The following TLE3 variants were observed in gnomAD, a reference collection of about 807,000 sequenced individuals.
The protein encoded by TLE3 is transducin-like enhancer protein 3.
In TLE3, 14 loss-of-function variants were observed where a neutral mutation model predicts 93.0. That is an observed-to-expected ratio of 0.15 (90% CI 0.10 to 0.24). TLE3 has a LOEUF of 0.24. TLE3 is among the 10% of genes least tolerant of loss of function. TLE3 has a pLI of 1.00. For missense variants in TLE3, 693 were observed against 1,046.6 expected, an observed-to-expected ratio of 0.66 and a Z score of 4.66; for synonymous variants, 451 against 425.0, an observed-to-expected ratio of 1.06 and a Z score of -0.75.
At chr15:70,059,025 A>G (rs2056288551) in intron 10 of TLE3, among the ~76,000 whole-genome samples, 1 of 152,190 alleles carries the variant, frequency 6.6e-6, no homozygotes, top group South Asian at 2.1e-4. Context: ...TCCCAATGTC[A>G]AACACAAGTT....
intron 4 of TLE3, among the ~76,000 whole-genome samples, chr15:70,091,297 TG>T (rs1174460742): frequency 1.3e-5 from 2 of 152,202 alleles, no homozygotes; most frequent in African/African-American, 4.8e-5. Flanking sequence ...TCACCAACAG[TG>T]GGTGAAAAGG....
intron 4 of TLE3, among the ~76,000 whole-genome samples, chr15:70,086,075 T>A (rs1349422469): frequency 1.3e-5 from 2 of 152,134 alleles, no homozygotes; most frequent in African/African-American, 4.8e-5. Context: ...CCTTCCTCTA[T>A]CCCACCCGAC....
At chr15:70,080,526 G>A (rs2057719492) in intron 4 of TLE3, among the ~76,000 whole-genome samples, 1 of 152,158 alleles carries the variant, frequency 6.6e-6, no homozygotes, top group Non-Finnish European at 1.5e-5. Flanking sequence ...CTGGGCGCTG[G>A]GAGTAACATC....
intron 4 of TLE3, among the ~76,000 whole-genome samples, chr15:70,084,225 T>C (rs889339925): frequency 6.6e-6 from 1 of 152,258 alleles, no homozygotes; most frequent in Non-Finnish European, 1.5e-5. Flanking sequence ...CTCCTTCCTC[T>C]ATAACAAGGC....
intron 8 of TLE3, among the ~76,000 whole-genome samples, chr15:70,062,148 T>C (rs545703443): frequency 2.0e-5 from 3 of 152,282 alleles, no homozygotes; most frequent in East Asian, 3.9e-4. Flanking sequence ...ATGGCAGAGT[T>C]ATCAAGCCTT....
intron 19 of TLE3, 194 bp from the exon 20 acceptor site, chr15:70,050,398 T>C (rs931743664): frequency 9.7e-6 from 5 of 517,740 alleles, no homozygotes; most frequent in South Asian, 2.3e-5. Context: ...AAAGCACCCA[T>C]GAAGCATTTT....
At chr15:70,083,511 C>T (rs1026699809) in intron 4 of TLE3, among the ~76,000 whole-genome samples, 36 of 139,766 alleles carry the variant, frequency 2.6e-4, no homozygotes, top group Non-Finnish European at 4.8e-4. Context: ...CCAGGCACAC[C>T]GCCCCCACCC....
In TLE3 at chr15:70,061,225, C is replaced by T. The variant is rs373342766; in HGVS notation, c.595-576G>A. 1.6e-4 allele frequency among the ~76,000 whole-genome samples: 24 copies of T among 152,212 alleles called. No homozygotes were observed. In the East Asian group the frequency reaches 4.6e-3, roughly 29 times the overall value. On this transcript the variant is annotated intron_variant, in intron 8 of 19. Transcript: ENST00000451782. ...GAACACCCCCGCCTCCACGGTGAGG[C>T]TGTCAGCAACTCTGGAGAAACACCA...
chr15:70,064,183 G>T (rs2056671830), intron 8 of TLE3, among the ~76,000 whole-genome samples: 1 of 152,202 alleles, frequency 6.6e-6, no homozygotes, highest in Non-Finnish European at 1.5e-5. Flanking sequence ...ACTCTCAACA[G>T]GTGACGACAG....
Position 70,059,451 on chromosome 15 carries a change from C to T in TLE3, c.724G>A (p.Gly242Arg). The change falls in exon 10 of 20, where the codon GGA (glycine) becomes AGA (arginine). Residue 242 changes from glycine (G) to arginine (R), a missense_variant. Gly to Arg is a moderately radical substitution (Grantham distance 125). This residue lies in a region of TLE3 where 405 missense variants were observed against 468.9 expected (regional missense o/e 0.86). Transcript: ENST00000451782. ...ACCACCAGATCATCACTCTTGTCTC[C>T]ATCACTGTCCTGCAACCAAGAGAGA... Reference protein sequence around the residue: ...KDSLSRYDSDGDKSDDLVVDV... With the variant: ...KDSLSRYDSDRDKSDDLVVDV... 1 of 1,609,540 alleles carries T rather than the reference C, an allele frequency of 6.2e-7. No individual in the cohort carries two copies. The highest frequency in any genetic ancestry group is 8.5e-7 in the Non-Finnish European group (1 of 1,177,876).
intron 3 of TLE3, among the ~76,000 whole-genome samples, chr15:70,095,056 G>GA (rs1567062895): frequency 6.6e-6 from 1 of 152,200 alleles, no homozygotes; most frequent in Non-Finnish European, 1.5e-5. Context: ...CCAGCTGGGG[G>GA]ATCCCTGAGG....
rs1450711643 is a variant in TLE3 at position 70,050,007 on chromosome 15, C to T, written c.*90G>A. 15 of 1,120,290 alleles carry T rather than the reference C, an allele frequency of 1.3e-5. No individual in the cohort carries two copies. The highest frequency in any genetic ancestry group is 7.1e-5 in the East Asian group (3 of 42,264). 69.4% of individuals were successfully genotyped at this position (1,120,290 alleles called of 1,614,324 possible). A position where few individuals can be genotyped will look rare whatever the true frequency, so the allele number is the denominator to read the frequency against. ...GCTCGGCTGCCTGCGGCCCATCCTC[C>T]GCCATCCTCGGGGCCCCTCGCCTGG... On this transcript the variant is annotated 3_prime_UTR_variant, in exon 20 of 20. Transcript: ENST00000451782.
chr15:70,050,821 AGTGT>A (rs934151771), intron 19 of TLE3: 3 of 157,088 alleles, frequency 1.9e-5, no homozygotes. Context: ...TGAGTAAATG[AGTGT>A]GAGTTTGATC....
At chr15:70,095,958 A>T in intron 2 of TLE3, 1 of 702,856 alleles carries the variant, frequency 1.4e-6, no homozygotes, top group South Asian at 2.0e-5. Context: ...CGGGGACCCC[A>T]CGGGCGGCGC....
chr15:70,053,636 T>G, intron 16 of TLE3: 1 of 318,956 alleles, frequency 3.1e-6, no homozygotes, highest in Non-Finnish European at 5.8e-6. Flanking sequence ...GACCTTGCAC[T>G]AGCCTTCTGA....
chr15:70,097,826 A>G lies in TLE3; in HGVS notation c.-1028T>C, dbSNP rs372093083. 1.6e-4 allele frequency: 49 copies of G among 313,496 alleles called. No individual in the cohort carries two copies. Among genetic ancestry groups the G allele is most frequent in the African/African-American group, 9.1e-4 (40 of 44,100 alleles). The allele number at this position is 313,496 out of a possible 1,614,324, so 19.4% of individuals were successfully genotyped here. A position where few individuals can be genotyped will look rare whatever the true frequency, so the allele number is the denominator to read the frequency against. On this transcript the variant is annotated 5_prime_UTR_variant, in exon 1 of 20. Coordinates refer to ENST00000451782, the MANE Select transcript of TLE3 (RefSeq NM_001105192.3). ...CACACACACACACACCAAAAAAAAA[A>G]GTGCCCCGGACCTACGGATACCACA... is the stretch of plus-strand genomic sequence containing the variant.
intron 4 of TLE3, among the ~76,000 whole-genome samples, chr15:70,081,501 G>T (rs916510002): frequency 6.6e-6 from 1 of 152,238 alleles, no homozygotes; most frequent in Non-Finnish European, 1.5e-5. Flanking sequence ...CTCTAGGCAA[G>T]AACAATGATA....
chr15:70,077,187 C>G (rs1365801640), intron 4 of TLE3, among the ~76,000 whole-genome samples: 2 of 152,218 alleles, frequency 1.3e-5, no homozygotes, highest in African/African-American at 4.8e-5. Context: ...TCAACAGTTT[C>G]CACCAGTATC....
In TLE3 at chr15:70,097,101, G is replaced by C. The variant is rs1183832889; in HGVS notation, c.-303C>G. On this transcript the variant is annotated 5_prime_UTR_variant, in exon 1 of 20. Transcript: ENST00000451782. Reference sequence around the variant, plus strand: ...CCGGCCGCCTTCCCTGGGCTGCGTCGAGCGCGTCAATGCCTGGGACTGCGC... The same window carrying C: ...CCGGCCGCCTTCCCTGGGCTGCGTCCAGCGCGTCAATGCCTGGGACTGCGC... 1.9e-5 allele frequency: 9 copies of C among 469,830 alleles called. No homozygotes were observed. The allele number at this position is 469,830 out of a possible 1,614,324, so 29.1% of individuals were successfully genotyped here. A position where few individuals can be genotyped will look rare whatever the true frequency, so the allele number is the denominator to read the frequency against.
Sources: gnomAD v4.1 joint callset for allele counts (sites outside exome capture counted in the v4.1 genomes callset) on GRCh38, gnomAD v4.1.1 for gene constraint, gnomAD v4.1.1 regional missense constraint, MANE v1.5 for transcripts, NCBI Gene and HGNC (gene_info 2026-07-23, HGNC 2026-07-21) for gene names.